Variants in CAMKMT observed in about 807,000 individuals in gnomAD.
CAMKMT encodes CaM KMT.
CAMKMT carries 53 observed loss-of-function variants against 48.0 expected under a neutral mutation model. The observed-to-expected ratio is 1.10, with a 90% CI of 0.89 to 1.39. The LOEUF (loss-of-function observed/expected upper bound fraction) is 1.39, where lower values mean the gene tolerates loss of function less well. CAMKMT is among the 40% of genes most tolerant of loss of function. The probability of loss-of-function intolerance (pLI) is 0.00; values close to 1 mark genes in which losing one functional copy is unlikely to be tolerated. For synonymous variants in CAMKMT, 165 were observed against 152.3 expected (o/e 1.08, Z -0.61); for missense variants, 428 against 402.7 (o/e 1.06, Z -0.54).
In CAMKMT at chr2:44,768,342, G is replaced by GATATAT. The variant is rs35422115; in HGVS notation, c.894+1796_894+1801dup. Among the ~76,000 whole-genome samples, 347 of 111,416 alleles carry GATATAT rather than the reference G, an allele frequency of 3.1e-3. 3 individuals are homozygous for GATATAT. The highest frequency in any genetic ancestry group is 0.011 in the African/African-American group (296 of 27,298). The allele number at this position is 111,416 out of a possible 152,430, so 73.1% of individuals were successfully genotyped here. ...ATAAAAGGTATAAACGGGCGCCCAT[G>GATATAT]ATATATATATATATATATATTTTTT... On this transcript the variant is annotated intron_variant, in intron 10 of 10. Transcript: ENST00000378494.
At chr2:44,704,752 T>C (rs188516735) in intron 4 of CAMKMT, among the ~76,000 whole-genome samples, 1 of 151,944 alleles carries the variant, frequency 6.6e-6, no homozygotes, top group East Asian at 1.9e-4. Flanking sequence ...ACAGAATGTC[T>C]GATAGATAAA....
intron 3 of CAMKMT, among the ~76,000 whole-genome samples, chr2:44,625,728 C>T (rs1392446401): frequency 1.3e-5 from 2 of 152,042 alleles, no homozygotes; most frequent in African/African-American, 4.8e-5. Context: ...TTTTTCCGTA[C>T]CGATATCCAG....
intron 3 of CAMKMT, among the ~76,000 whole-genome samples, chr2:44,520,266 G>A (rs529260186): frequency 2.0e-5 from 3 of 151,962 alleles, no homozygotes; most frequent in East Asian, 3.9e-4. Context: ...ATGGGGTCTC[G>A]CTATGTTGCC....
chr2:44,581,977 C>T (rs944809602), intron 3 of CAMKMT, among the ~76,000 whole-genome samples: 2 of 152,194 alleles, frequency 1.3e-5, no homozygotes, highest in Non-Finnish European at 2.9e-5. Flanking sequence ...CCAGGCTGGG[C>T]AACAAAGCGA....
chr2:44,483,077 C>T (rs1008809390), intron 3 of CAMKMT, among the ~76,000 whole-genome samples: 1 of 152,116 alleles, frequency 6.6e-6, no homozygotes, highest in Non-Finnish European at 1.5e-5. Flanking sequence ...AAGACATGTG[C>T]TTAGCACTAT....
At chr2:44,737,833 A>T in intron 7 of CAMKMT, among the ~76,000 whole-genome samples, 1 of 145,058 alleles carries the variant, frequency 6.9e-6, no homozygotes, top group Admixed American at 6.9e-5. Flanking sequence ...AGTTTCTTAG[A>T]CTCTCAGTTC....
At chr2:44,510,354 C>T (rs1670477431) in intron 3 of CAMKMT, among the ~76,000 whole-genome samples, 1 of 152,162 alleles carries the variant, frequency 6.6e-6, no homozygotes, top group Admixed American at 6.6e-5. Context: ...CTCATGATTA[C>T]ATTGAGATTT....
chr2:44,467,560 AC>A (rs1668189429), intron 3 of CAMKMT, among the ~76,000 whole-genome samples: 1 of 151,876 alleles, frequency 6.6e-6, no homozygotes, highest in Admixed American at 6.6e-5. Context: ...ACAAAAAAAA[AC>A]AAAGCCAAAC....
chr2:44,576,034 C>T (rs374957083), intron 3 of CAMKMT, among the ~76,000 whole-genome samples: 9 of 151,434 alleles, frequency 5.9e-5, no homozygotes, highest in South Asian at 2.1e-4. Context: ...GGTTCAAGAA[C>T]GCAGGTGGGA....
intron 3 of CAMKMT, among the ~76,000 whole-genome samples, chr2:44,594,163 G>A (rs1277365357): frequency 2.6e-5 from 4 of 152,214 alleles, no homozygotes; most frequent in South Asian, 4.2e-4. Flanking sequence ...GAAATGAGAG[G>A]ACACAAACAA....
chr2:44,468,559 T>C (rs931356764), intron 3 of CAMKMT, among the ~76,000 whole-genome samples: 1 of 152,226 alleles, frequency 6.6e-6, no homozygotes, highest in Admixed American at 6.5e-5. Context: ...CCCATGTTTA[T>C]TGCAGCACTG....
At chr2:44,753,701 A>C (rs1680250936) in intron 8 of CAMKMT, among the ~76,000 whole-genome samples, 1 of 152,184 alleles carries the variant, frequency 6.6e-6, no homozygotes, top group Non-Finnish European at 1.5e-5. Flanking sequence ...CAGAGGGCCC[A>C]GGTCTAAGGG....
chr2:44,580,466 T>C (rs1173968526), intron 3 of CAMKMT, among the ~76,000 whole-genome samples: 1 of 152,170 alleles, frequency 6.6e-6, no homozygotes, highest in African/African-American at 2.4e-5. Context: ...TTTAATCCCC[T>C]GGTTCAAGTG....
Position 44,772,176 on chromosome 2 carries a change from C to A in CAMKMT, c.*63C>A. On this transcript the variant is annotated 3_prime_UTR_variant, in exon 11 of 11. Transcript: ENST00000378494. ...TGCATAGGGAATATTTTTACAAAAA[C>A]GGAAATCTGTAAGGGGTATAATCGC... The A allele has an allele frequency of 7.0e-7, 1 of 1,434,672 alleles. No individual in the cohort carries two copies. Among genetic ancestry groups the A allele is most frequent in the Non-Finnish European group, 9.8e-7 (1 of 1,024,322 alleles). The allele number at this position is 1,434,672 out of a possible 1,614,324, so 88.9% of individuals were successfully genotyped here.
rs113528142 is a variant in CAMKMT at position 44,362,304 on chromosome 2, C to A, written c.138+159C>A. On this transcript the variant is annotated intron_variant, in intron 1 of 10. Transcript: ENST00000378494. ...GAAGCTCCCCCTCGCTTCACCTAAG[C>A]GTCCCATCCAAGAGGAGGAATCATG... Among the ~76,000 whole-genome samples, 578 of 152,270 alleles carry A rather than the reference C, an allele frequency of 3.8e-3. 4 individuals are homozygous for A. Among genetic ancestry groups the A allele is most frequent in the African/African-American group, 0.013 (556 of 41,536 alleles).
Position 44,649,455 on chromosome 2 carries a change from G to C in CAMKMT, c.377-54828G>C, listed in dbSNP as rs78373511. 3.4e-4 allele frequency among the ~76,000 whole-genome samples: 51 copies of C among 152,118 alleles called. No individual in the cohort carries two copies. In the East Asian group the frequency reaches 9.3e-3, roughly 28 times the overall value. Reference sequence around the variant, plus strand: ...ATAAAGGTCTGTAAATGACATTAATGGAGCAAGCAGAAAAACATACTGAGG... The same window carrying C: ...ATAAAGGTCTGTAAATGACATTAATCGAGCAAGCAGAAAAACATACTGAGG... On this transcript the variant is annotated intron_variant, in intron 3 of 10. Coordinates refer to ENST00000378494, the MANE Select transcript of CAMKMT (RefSeq NM_024766.5).
chr2:44,539,734 T>C (rs1431178649), intron 3 of CAMKMT, among the ~76,000 whole-genome samples: 1 of 152,184 alleles, frequency 6.6e-6, no homozygotes, highest in East Asian at 1.9e-4. Context: ...ATGTCCTTCA[T>C]TCTGGGTTTG....
At chr2:44,554,516 G>A (rs1306627651) in intron 3 of CAMKMT, among the ~76,000 whole-genome samples, 3 of 152,246 alleles carry the variant, frequency 2.0e-5, no homozygotes, top group East Asian at 1.9e-4. Context: ...CAGAAGGATT[G>A]TGTGAAACCT....
intron 3 of CAMKMT, among the ~76,000 whole-genome samples, chr2:44,459,859 A>G (rs1667762022): frequency 6.6e-6 from 1 of 152,222 alleles, no homozygotes; most frequent in African/African-American, 2.4e-5. Context: ...TTGAGATAAA[A>G]TGAAAATAAT....
Sources: gnomAD v4.1 joint callset for allele counts (sites outside exome capture counted in the v4.1 genomes callset) on GRCh38, gnomAD v4.1.1 for gene constraint, MANE v1.5 for transcripts, NCBI Gene and HGNC (gene_info 2026-07-23, HGNC 2026-07-21) for gene names.